The following SMG7 variants were observed in gnomAD, a reference collection of about 807,000 sequenced individuals.
The protein encoded by SMG7 is nonsense-mediated mRNA decay factor SMG7.
A neutral mutation model predicts 148.2 loss-of-function variants in SMG7; 34 were observed. The ratio of observed to expected loss-of-function variants is 0.23; its 90% CI spans 0.17 to 0.31. The LOEUF (loss-of-function observed/expected upper bound fraction) is 0.31. Ranked by LOEUF, SMG7 falls within the 10% of genes least tolerant of loss-of-function variation. The pLI is 1.00. For synonymous variants in SMG7, 492 were observed against 515.1 expected (o/e 0.96, Z 0.61); for missense variants, 1,114 against 1,408.4 (o/e 0.79, Z 3.35).
intron 2 of SMG7, chr1:183,513,369 CT>C (rs1224170251): frequency 0.012 from 1,492 of 122,658 alleles, 8 homozygotes; most frequent in African/African-American, 0.041. Flanking sequence ...ATCTTTGTTA[CT>C]TTTTTTTTTT....
intron 1 of SMG7, among the ~76,000 whole-genome samples, chr1:183,512,119 A>G (rs1662281719): frequency 6.6e-6 from 1 of 152,172 alleles, no homozygotes; most frequent in Non-Finnish European, 1.5e-5. Flanking sequence ...AAAATGTGTG[A>G]GATACTTGGA....
At chr1:183,524,243 G>A (rs758332235) in intron 4 of SMG7, among the ~76,000 whole-genome samples, 1 of 151,888 alleles carries the variant, frequency 6.6e-6, no homozygotes, top group East Asian at 1.9e-4. Flanking sequence ...GCCACCACAC[G>A]TGGCTAATTT....
chr1:183,528,103 C>T, intron 6 of SMG7, 76 bp downstream of exon 6: 1 of 1,094,040 alleles, frequency 9.1e-7, no homozygotes, highest in Non-Finnish European at 1.3e-6. Flanking sequence ...ACTCAGGGCT[C>T]ACCTTTGAAG....
chr1:183,539,764 T>A (rs1292947533), intron 12 of SMG7, among the ~76,000 whole-genome samples: 1 of 152,210 alleles, frequency 6.6e-6, no homozygotes. Flanking sequence ...TTTATAATTA[T>A]GTGTCTGAAA....
rs138321881 is a variant in SMG7 at position 183,545,276 on chromosome 1, G to A, written c.2334G>A (p.Leu778=). Residue 778 remains leucine, a synonymous_variant, in exon 16 of 23, where the codon TTG becomes TTA. Transcript: ENST00000688051. ...CCCCTACAAAAGCTGTGCCGGCTTT[G>A]GGGAAAAGCCCGCCTCACCACTCTG... ...QQSPTKAVPA[L]GKSPPHHSGF... 1.2e-4 allele frequency: 199 copies of A among 1,612,302 alleles called. No homozygotes were observed. The highest frequency in any genetic ancestry group is 1.6e-4 in the Non-Finnish European group (186 of 1,179,994).
chr1:183,503,000 C>T (rs1251212456), intron 1 of SMG7, among the ~76,000 whole-genome samples: 2 of 152,162 alleles, frequency 1.3e-5, no homozygotes, highest in African/African-American at 4.8e-5. Context: ...AGAGTGATAC[C>T]TCTAGCCTGG....
At chr1:183,549,090 A>G (rs1333049016) in intron 18 of SMG7, 118 bp from the exon 19 acceptor site, 7 of 709,258 alleles carry the variant, frequency 9.9e-6, no homozygotes, top group Admixed American at 7.7e-5. Flanking sequence ...CTGAGCCTCA[A>G]ATTGTACTCA....
intron 20 of SMG7, chr1:183,550,221 C>A: frequency 3.5e-6 from 1 of 281,960 alleles, no homozygotes; most frequent in Non-Finnish European, 6.6e-6. Flanking sequence ...TGTAGGTGTT[C>A]ATTCTTTGCA....
At chr1:183,546,375 A>T in intron 17 of SMG7, 38 bp downstream of exon 17, 1 of 1,567,500 alleles carries the variant, frequency 6.4e-7, no homozygotes, top group Non-Finnish European at 8.6e-7. Context: ...ATTTGGAGAT[A>T]GGTCTGAGGT....
intron 1 of SMG7, among the ~76,000 whole-genome samples, chr1:183,495,992 A>T (rs1658396502): frequency 6.6e-6 from 1 of 152,224 alleles, no homozygotes; most frequent in Non-Finnish European, 1.5e-5. Context: ...GAGCAAAAAA[A>T]GTTTAGGCTC....
At chr1:183,524,682 C>CTTAG (rs1040074292) in intron 4 of SMG7, among the ~76,000 whole-genome samples, 11 of 152,074 alleles carry the variant, frequency 7.2e-5, no homozygotes, top group Non-Finnish European at 1.5e-5. Context: ...ATTCTATAAC[C>CTTAG]TTAGTCCAGT....
Position 183,550,736 on chromosome 1 carries a change from G to A in SMG7, c.3134-15G>A. 6.2e-7 allele frequency: 1 copy of A among 1,612,826 alleles called. No individual in the cohort carries two copies. The highest frequency in any genetic ancestry group is 8.5e-7 in the Non-Finnish European group (1 of 1,178,966). ...ACAATGATTTACTATATCCTGTGTT[G>A]CTATTATTTAATAGATCATTCAACA... is the stretch of plus-strand genomic sequence containing the variant. On this transcript the variant is annotated splice_polypyrimidine_tract_variant and intron_variant, in intron 20 of 22. Coordinates refer to ENST00000688051, the MANE Select transcript of SMG7 (RefSeq NM_001375584.1).
chr1:183,477,630 G>T lies in SMG7; in HGVS notation c.29+4981G>T, dbSNP rs1245783197. Among the ~76,000 whole-genome samples the T allele has an allele frequency of 8.5e-5, 10 of 118,150 alleles. No individual in the cohort carries two copies. The East Asian group carries it at 2.6e-3, about 31-fold the overall frequency. 77.5% of individuals were successfully genotyped at this position (118,150 alleles called of 152,430 possible). A position where few individuals can be genotyped will look rare whatever the true frequency, so the allele number is the denominator to read the frequency against. ...TGCATATATACGTGTGTGCATATGT[G>T]TATATATGCATATATACGTGTGTGC... On this transcript the variant is annotated intron_variant, in intron 1 of 22. Transcript: ENST00000688051.
At chr1:183,496,197 AAT>A (rs2102265809) in intron 1 of SMG7, among the ~76,000 whole-genome samples, 1 of 152,256 alleles carries the variant, frequency 6.6e-6, no homozygotes, top group African/African-American at 2.4e-5. Context: ...GTAGATCCCC[AAT>A]AATTATTAGT....
intron 8 of SMG7, among the ~76,000 whole-genome samples, chr1:183,530,979 T>C (rs1666750612): frequency 6.6e-6 from 1 of 152,104 alleles, no homozygotes; most frequent in African/African-American, 2.4e-5. Context: ...ACATATATAT[T>C]TCTGTATGTG....
chr1:183,544,762 C>T (rs138748318), intron 15 of SMG7, among the ~76,000 whole-genome samples, 168 bp from the exon 16 acceptor site: 1 of 152,202 alleles, frequency 6.6e-6, no homozygotes, highest in East Asian at 1.9e-4. Flanking sequence ...GGAAAAATAT[C>T]AAGTCTATTT....
At position 183,542,908 on chromosome 1, in the gene SMG7, T is replaced by C. The variant is rs186926131; in HGVS notation, c.1842+406T>C. ...GGCTTATGCAGTTTTTTTTTTTAGATTCACTATAATATATATATATGTGTG... is the reference window on the plus strand; with the variant it reads ...GGCTTATGCAGTTTTTTTTTTTAGACTCACTATAATATATATATATGTGTG... On this transcript the variant is annotated intron_variant, in intron 14 of 22. Transcript: ENST00000688051. Among the ~76,000 whole-genome samples the C allele has an allele frequency of 7.6e-4, 115 of 151,044 alleles. No individual in the cohort carries two copies. In the East Asian group the frequency reaches 0.021, roughly 27 times the overall value.
chr1:183,530,542 G>C (rs1666674199), intron 8 of SMG7, among the ~76,000 whole-genome samples: 1 of 152,130 alleles, frequency 6.6e-6, no homozygotes, highest in Admixed American at 6.5e-5. Context: ...CATGTCCTAG[G>C]CTGTTCAGCC....
intron 1 of SMG7, chr1:183,472,901 T>G (rs1651062608): frequency 2.5e-6 from 1 of 393,576 alleles, no homozygotes; most frequent in Admixed American, 4.5e-5. Flanking sequence ...TGGGGAAGCG[T>G]GAGAATGTGC....
Sources: allele counts gnomAD v4.1 joint callset (sites outside exome capture counted in the v4.1 genomes callset), GRCh38; gene constraint gnomAD v4.1.1; transcripts MANE v1.5; gene names NCBI Gene and HGNC (gene_info 2026-07-23, HGNC 2026-07-21).